The following DHRSX variants were observed in gnomAD, a reference collection of about 807,000 sequenced individuals.
The protein encoded by DHRSX is polyprenol dehydrogenase.
DHRSX carries 31 observed loss-of-function variants against 34.0 expected under a neutral mutation model. That is an observed-to-expected ratio of 0.91 (90% CI 0.69 to 1.23). The LOEUF is 1.23. DHRSX is among the 50% of genes most tolerant of loss of function. The probability of loss-of-function intolerance (pLI) is 0.00; values close to 1 mark genes in which losing one functional copy is unlikely to be tolerated. For missense variants in DHRSX, 414 were observed against 428.1 expected (o/e 0.97, Z 0.29); for synonymous variants, 201 against 183.8 (o/e 1.09, Z -0.76).
intron 3 of DHRSX, among the ~76,000 whole-genome samples, chrX:2,346,893 T>C (rs1425499680): frequency 4.6e-5 from 7 of 151,846 alleles, no homozygotes; most frequent in African/African-American, 9.7e-5. Context: ...AGTGAGAACA[T>C]GAGGTGTTTG....
At chrX:2,232,979 T>C (rs2015931453) in intron 6 of DHRSX, among the ~76,000 whole-genome samples, 1 of 152,098 alleles carries the variant, frequency 6.6e-6, no homozygotes, top group South Asian at 2.1e-4. Flanking sequence ...CTATACACCA[T>C]GGGCAAAATT....
intron 4 of DHRSX, among the ~76,000 whole-genome samples, chrX:2,286,960 G>C (rs1296015788): frequency 6.6e-6 from 1 of 152,230 alleles, no homozygotes; most frequent in Non-Finnish European, 1.5e-5. Context: ...TTCCAGGGAG[G>C]CGTGTGACTT....
intron 1 of DHRSX, among the ~76,000 whole-genome samples, chrX:2,435,920 C>T (rs1466618561): frequency 2.0e-5 from 3 of 152,124 alleles, no homozygotes; most frequent in Admixed American, 1.3e-4. Flanking sequence ...GGGGGCTGGG[C>T]GCAGTGGCTC....
chrX:2,246,661 AAAAGAAAGAAAAG>A (rs1160266402), intron 5 of DHRSX, among the ~76,000 whole-genome samples: 117 of 129,202 alleles, frequency 9.1e-4, no homozygotes, highest in African/African-American at 2.9e-3. Flanking sequence ...AGAAAGAAAG[AAAAGAAAGAAAAG>A]AAAGAAAGAA....
At chrX:2,244,485 T>C (rs2016231739) in intron 5 of DHRSX, among the ~76,000 whole-genome samples, 1 of 152,134 alleles carries the variant, frequency 6.6e-6, no homozygotes, top group African/African-American at 2.4e-5. Context: ...AGACTCCTTT[T>C]AGAATTTAAT....
At chrX:2,353,376 G>C (rs988874660) in intron 3 of DHRSX, among the ~76,000 whole-genome samples, 3 of 152,060 alleles carry the variant, frequency 2.0e-5, no homozygotes, top group Non-Finnish European at 4.4e-5. Context: ...CCGAAATGAA[G>C]TTGTGCAGGA....
chrX:2,440,810 AT>A (rs1208596851), intron 1 of DHRSX, among the ~76,000 whole-genome samples: 1 of 152,078 alleles, frequency 6.6e-6, no homozygotes, highest in Non-Finnish European at 1.5e-5. Context: ...CAGACGGCCT[AT>A]TGTGGGACTT....
At chrX:2,292,201 C>G (rs988486800) in intron 3 of DHRSX, among the ~76,000 whole-genome samples, 3 of 152,142 alleles carry the variant, frequency 2.0e-5, no homozygotes, top group Non-Finnish European at 4.4e-5. Flanking sequence ...TTTGTGAGAG[C>G]GCCTTGGGGC....
chrX:2,305,044 G>A (rs1464848728), intron 3 of DHRSX, among the ~76,000 whole-genome samples: 2 of 152,098 alleles, frequency 1.3e-5, no homozygotes, highest in Non-Finnish European at 2.9e-5. Context: ...ACGAGATCAT[G>A]TCCTTTGCAG....
chrX:2,425,167 A>G, intron 2 of DHRSX, 30 bp downstream of exon 2: 1 of 1,560,312 alleles, frequency 6.4e-7, no homozygotes, highest in Non-Finnish European at 8.7e-7. Flanking sequence ...CGAAAAAACA[A>G]AAAACACAAG....
intron 3 of DHRSX, among the ~76,000 whole-genome samples, chrX:2,301,743 A>T (rs2042013117): frequency 6.6e-6 from 1 of 152,006 alleles, no homozygotes. Flanking sequence ...GATTCAACCA[A>T]TTCTCCTGCC....
At chrX:2,489,870 C>T (rs780655943) in intron 1 of DHRSX, 24 of 1,613,680 alleles carry the variant, frequency 1.5e-5, no homozygotes, top group African/African-American at 2.7e-5. Flanking sequence ...TGCACTGCGA[C>T]GTCCAGCAGG....
intron 1 of DHRSX, among the ~76,000 whole-genome samples, chrX:2,458,087 G>A (rs1303645943): frequency 2.0e-5 from 3 of 151,660 alleles, no homozygotes; most frequent in Non-Finnish European, 4.4e-5. Flanking sequence ...GACTGCCACC[G>A]TGTACACACT....
intron 5 of DHRSX, among the ~76,000 whole-genome samples, chrX:2,258,592 C>T (rs2041312092): frequency 6.6e-6 from 1 of 152,104 alleles, no homozygotes; most frequent in Admixed American, 6.6e-5. Context: ...CAGCCACACC[C>T]ACACCTTGAT....
intron 6 of DHRSX, among the ~76,000 whole-genome samples, chrX:2,231,855 T>C (rs2015894857): frequency 6.8e-6 from 1 of 147,502 alleles, no homozygotes; most frequent in African/African-American, 2.5e-5. Flanking sequence ...TTTCTCCCTC[T>C]TCTTCCTCCT....
chrX:2,397,688 C>T (rs183083398), intron 3 of DHRSX, among the ~76,000 whole-genome samples: 4 of 152,044 alleles, frequency 2.6e-5, no homozygotes, highest in Non-Finnish European at 4.4e-5. Flanking sequence ...TGTTAAATAG[C>T]GCGTAGAATT....
At chrX:2,423,032 A>T (rs1210572693) in intron 2 of DHRSX, among the ~76,000 whole-genome samples, 1 of 149,806 alleles carries the variant, frequency 6.7e-6, no homozygotes, top group South Asian at 2.2e-4. Flanking sequence ...TGAACTCTTA[A>T]CCTCAAGTGA....
chrX:2,221,823 C>G (rs191040040), intron 6 of DHRSX, among the ~76,000 whole-genome samples: 1 of 152,226 alleles, frequency 6.6e-6, no homozygotes, highest in East Asian at 1.9e-4. Flanking sequence ...ACACAGCACA[C>G]CCTGGTTTTC....
At chrX:2,253,585 C>CA (rs1339032278) in intron 5 of DHRSX, among the ~76,000 whole-genome samples, 3 of 152,140 alleles carry the variant, frequency 2.0e-5, no homozygotes, top group Non-Finnish European at 2.9e-5. Context: ...GGGAGACTGC[C>CA]AAAAAACAAA....
Sources: allele counts gnomAD v4.1 joint callset (sites outside exome capture counted in the v4.1 genomes callset), GRCh38; gene constraint gnomAD v4.1.1; transcripts MANE v1.5; gene names NCBI Gene and HGNC (gene_info 2026-07-23, HGNC 2026-07-21).